The following CHRNA7 variants were observed in gnomAD, a reference collection of about 807,000 sequenced individuals.
The protein encoded by CHRNA7 is cholinergic receptor nicotinic alpha 7 subunit.
A neutral mutation model predicts 48.0 loss-of-function variants in CHRNA7; 17 were observed. The ratio of observed to expected loss-of-function variants is 0.35; its 90% CI spans 0.24 to 0.53. CHRNA7 has a LOEUF of 0.53. CHRNA7 is among the 20% of genes least tolerant of loss of function. The pLI is 0.92. For missense variants in CHRNA7, 155 were observed against 577.7 expected, an observed-to-expected ratio of 0.27 and a Z score of 7.50; for synonymous variants, 75 against 242.3, an observed-to-expected ratio of 0.31 and a Z score of 6.41.
At chr15:32,106,689 A>G (rs2050674931) in intron 3 of CHRNA7, among the ~76,000 whole-genome samples, 1 of 152,218 alleles carries the variant, frequency 6.6e-6, no homozygotes. Flanking sequence ...TGAACCATCC[A>G]GAGACTTACA....
intron 4 of CHRNA7, among the ~76,000 whole-genome samples, chr15:32,140,874 C>G (rs975975781): frequency 2.6e-5 from 4 of 152,158 alleles, no homozygotes; most frequent in Admixed American, 6.5e-5. Flanking sequence ...TCTAGGTTGC[C>G]TGTTCACTCT....
At chr15:32,100,041 A>T (rs2050543764) in intron 2 of CHRNA7, 1 of 152,132 alleles carries the variant, frequency 6.6e-6, no homozygotes, top group Non-Finnish European at 1.5e-5. Context: ...GGTGCCCAAC[A>T]TGTGAGCAAC....
intron 2 of CHRNA7, among the ~76,000 whole-genome samples, chr15:32,090,380 A>T (rs981571449): frequency 6.6e-6 from 1 of 152,184 alleles, no homozygotes; most frequent in African/African-American, 2.4e-5. Context: ...GTTTCTAGAC[A>T]TAAAACCCAT....
intron 4 of CHRNA7, among the ~76,000 whole-genome samples, chr15:32,136,323 T>C (rs1174952531): frequency 6.6e-6 from 1 of 151,892 alleles, no homozygotes; most frequent in Non-Finnish European, 1.5e-5. Flanking sequence ...AAACCCCATC[T>C]CTACTAAAAA....
At chr15:32,152,853 GAAAATA>G (rs542264632) in intron 4 of CHRNA7, among the ~76,000 whole-genome samples, 58 of 152,190 alleles carry the variant, frequency 3.8e-4, no homozygotes, top group Non-Finnish European at 6.9e-4. Flanking sequence ...TCAGAATCCA[GAAAATA>G]AAAGACAAGG....
chr15:32,079,103 C>T (rs1416367669), intron 2 of CHRNA7, among the ~76,000 whole-genome samples: 2 of 152,102 alleles, frequency 1.3e-5, no homozygotes, highest in Non-Finnish European at 2.9e-5. Flanking sequence ...ATTAAACATC[C>T]CTTCATGTTA....
intron 4 of CHRNA7, among the ~76,000 whole-genome samples, chr15:32,150,414 C>T (rs2051600922): frequency 6.6e-6 from 1 of 152,140 alleles, no homozygotes; most frequent in Non-Finnish European, 1.5e-5. Flanking sequence ...GGGAACGCAT[C>T]CCACGTCTGG....
At chr15:32,153,144 G>C (rs2051666934) in intron 4 of CHRNA7, among the ~76,000 whole-genome samples, 1 of 152,160 alleles carries the variant, frequency 6.6e-6, no homozygotes, top group Admixed American at 6.5e-5. Context: ...ATGTGGGCCG[G>C]GCACGGTGGC....
rs200719026 is a variant in CHRNA7 at position 32,148,621 on chromosome 15, G to A, written c.351-5286G>A. On this transcript the variant is annotated intron_variant, in intron 4 of 9. Coordinates refer to ENST00000306901, the MANE Select transcript of CHRNA7 (RefSeq NM_000746.6). ...CCCACAGGGTCCACCTGTGCCCCAT[G>A]GGCTCCCCCTGCCTATACTGCCATT... Among the ~76,000 whole-genome samples, 41 of 152,304 alleles carry A rather than the reference G, an allele frequency of 2.7e-4. 1 individual carries two copies. The East Asian group carries it at 6.9e-3, about 26-fold the overall frequency.
At chr15:32,068,950 C>G (rs1008355728) in intron 2 of CHRNA7, among the ~76,000 whole-genome samples, 1 of 152,076 alleles carries the variant, frequency 6.6e-6, no homozygotes, top group South Asian at 2.1e-4. Flanking sequence ...GATAGAAACA[C>G]TAGACAGTTA....
chr15:32,146,959 A>G (rs1310457523), intron 4 of CHRNA7, among the ~76,000 whole-genome samples: 1 of 152,230 alleles, frequency 6.6e-6, no homozygotes, highest in Non-Finnish European at 1.5e-5. Context: ...ACACTTTCAT[A>G]ATGCTGTAAG....
intron 4 of CHRNA7, among the ~76,000 whole-genome samples, chr15:32,150,085 T>C (rs764320098): frequency 6.6e-6 from 1 of 152,206 alleles, no homozygotes; most frequent in Non-Finnish European, 1.5e-5. Context: ...AGGGTCTCGC[T>C]CTGTCTCCTA....
intron 3 of CHRNA7, among the ~76,000 whole-genome samples, chr15:32,107,021 G>C (rs1435421057): frequency 6.6e-6 from 1 of 152,182 alleles, no homozygotes; most frequent in Non-Finnish European, 1.5e-5. Context: ...CAATCATTAT[G>C]TCTCACCAAG....
At chr15:32,110,697 G>GTAACT (rs2050749170) in intron 3 of CHRNA7, among the ~76,000 whole-genome samples, 1 of 152,126 alleles carries the variant, frequency 6.6e-6, no homozygotes, top group Non-Finnish European at 1.5e-5. Context: ...CTCCTTTGAT[G>GTAACT]TTGTTTTCGT....
At chr15:32,071,465 A>G (rs1435905426) in intron 2 of CHRNA7, among the ~76,000 whole-genome samples, 1 of 152,148 alleles carries the variant, frequency 6.6e-6, no homozygotes, top group Non-Finnish European at 1.5e-5. Flanking sequence ...ATACAAGTCA[A>G]GTACACACTT....
At chr15:32,140,997 A>G (rs1244518895) in intron 4 of CHRNA7, among the ~76,000 whole-genome samples, 1 of 152,154 alleles carries the variant, frequency 6.6e-6, no homozygotes, top group Non-Finnish European at 1.5e-5. Flanking sequence ...GTCTTTGCCC[A>G]TGCCTATGTC....
In CHRNA7 at chr15:32,111,771, A is replaced by T; in HGVS notation, c.241-19A>T. 1 of 1,475,776 alleles carries T rather than the reference A, an allele frequency of 6.8e-7. No homozygotes were observed. Among genetic ancestry groups the T allele is most frequent in the Non-Finnish European group, 9.5e-7 (1 of 1,056,236 alleles). The allele number at this position is 1,475,776 out of a possible 1,614,324, so 91.4% of individuals were successfully genotyped here. On this transcript the variant is annotated intron_variant, in intron 3 of 9. Coordinates refer to ENST00000306901, the MANE Select transcript of CHRNA7 (RefSeq NM_000746.6). ...TAGCCAAGGAAGTGAAGTGCTGCTA[A>T]TGTCATTGTGTGTGTCAGTCTTGGA...
chr15:32,150,371 T>TA (rs548440040), intron 4 of CHRNA7, among the ~76,000 whole-genome samples: 2 of 152,224 alleles, frequency 1.3e-5, no homozygotes, highest in African/African-American at 4.8e-5. Context: ...AGACCATGCT[T>TA]TCTATGTTGC....
intron 2 of CHRNA7, among the ~76,000 whole-genome samples, chr15:32,052,858 A>G (rs567965010): frequency 1.3e-5 from 2 of 152,342 alleles, no homozygotes; most frequent in South Asian, 4.1e-4. Flanking sequence ...GTACATTTCA[A>G]AATAACTAGA....
Sources: allele counts gnomAD v4.1 joint callset (sites outside exome capture counted in the v4.1 genomes callset), GRCh38; gene constraint gnomAD v4.1.1; transcripts MANE v1.5; gene names NCBI Gene and HGNC (gene_info 2026-07-23, HGNC 2026-07-21).